Variants in IL1RAPL1 observed in about 807,000 individuals in gnomAD.
IL1RAPL1 encodes the protein interleukin 1 receptor accessory protein like 1, also known as interleukin-1 receptor accessory protein-like 1.
In IL1RAPL1, 3 loss-of-function variants were observed where a neutral mutation model predicts 48.4. The observed-to-expected ratio is 0.06, with a 90% CI of 0.03 to 0.16. The LOEUF (loss-of-function observed/expected upper bound fraction) is 0.16, where lower values mean the gene tolerates loss of function less well. IL1RAPL1 is among the 10% of genes least tolerant of loss of function. The probability of loss-of-function intolerance (pLI) is 1.00; values close to 1 mark genes in which losing one functional copy is unlikely to be tolerated. For synonymous variants in IL1RAPL1, 185 were observed against 187.7 expected (o/e 0.99, Z 0.12); for missense variants, 349 against 530.6 (o/e 0.66, Z 3.36).
rs773580829 is a variant in IL1RAPL1, at chrX:28,954,402, AT to A, written c.82+164985del. ...AAAAAAGAGATTTATTTAATTTCTAATTTTTTTTCTACCTCTCAGCTTTTTT... is the reference window on the plus strand; with the variant it reads ...AAAAAAGAGATTTATTTAATTTCTAATTTTTTTCTACCTCTCAGCTTTTTT... On this transcript the variant is annotated intron_variant, in intron 2 of 10. Transcript: ENST00000378993. 4.3e-3 allele frequency among the ~76,000 whole-genome samples: 477 copies of A among 109,771 alleles called. 1 individual carries two copies. Among genetic ancestry groups the A allele is most frequent in the Admixed American group, 6.3e-3 (64 of 10,188 alleles).
intron 2 of IL1RAPL1, among the ~76,000 whole-genome samples, chrX:29,271,745 T>C (rs1487445375): frequency 8.9e-5 from 10 of 112,035 alleles, no homozygotes; most frequent in Non-Finnish European, 3.8e-5. Flanking sequence ...GTTTAGGTTC[T>C]ATATAGATTC....
chrX:28,728,298 A>G (rs1935707254), intron 1 of IL1RAPL1, among the ~76,000 whole-genome samples: 1 of 111,588 alleles, frequency 9.0e-6, no homozygotes, highest in South Asian at 3.7e-4. Context: ...TTCAACAGTT[A>G]ATTAAACCAT....
chrX:29,083,783 A>G (rs1927893940), intron 2 of IL1RAPL1, among the ~76,000 whole-genome samples: 1 of 112,235 alleles, frequency 8.9e-6, no homozygotes. Flanking sequence ...AGGTACATAG[A>G]GTATAGTAAA....
chrX:28,612,843 T>G (rs1429834193), intron 1 of IL1RAPL1, among the ~76,000 whole-genome samples: 1 of 112,174 alleles, frequency 8.9e-6, no homozygotes, highest in Admixed American at 9.5e-5. Flanking sequence ...TGCAACAGGC[T>G]CTAATGGCTA....
At chrX:28,647,235 CT>C (rs750984594) in intron 1 of IL1RAPL1, among the ~76,000 whole-genome samples, 1 of 111,812 alleles carries the variant, frequency 8.9e-6, no homozygotes, top group Non-Finnish European at 1.9e-5. Context: ...TTCTCATTCC[CT>C]AAACCTCTAC....
intron 3 of IL1RAPL1, among the ~76,000 whole-genome samples, chrX:29,358,451 G>A (rs1352446583): frequency 1.8e-5 from 2 of 108,380 alleles, no homozygotes; most frequent in African/African-American, 6.7e-5. Context: ...ATAAAGAATT[G>A]TAAAGTTATT....
intron 2 of IL1RAPL1, among the ~76,000 whole-genome samples, chrX:28,802,407 G>C (rs982390638): frequency 8.9e-6 from 1 of 112,174 alleles, no homozygotes; most frequent in Non-Finnish European, 1.9e-5. Context: ...GAATAACTTT[G>C]CCAAGTTTTA....
chrX:29,543,811 G>T (rs765400556), intron 5 of IL1RAPL1, among the ~76,000 whole-genome samples: 1 of 110,884 alleles, frequency 9.0e-6, no homozygotes, highest in Non-Finnish European at 1.9e-5. Context: ...GACCTAGTGA[G>T]GTGTCAGCAA....
intron 2 of IL1RAPL1, among the ~76,000 whole-genome samples, chrX:28,940,713 C>T (rs910475895): frequency 9.0e-6 from 1 of 110,793 alleles, no homozygotes; most frequent in African/African-American, 3.3e-5. Flanking sequence ...GCTAAGTCTC[C>T]ACCAATCACA....
At chrX:29,436,046 A>G (rs764645441) in intron 5 of IL1RAPL1, among the ~76,000 whole-genome samples, 6 of 109,854 alleles carry the variant, frequency 5.5e-5, no homozygotes, top group Admixed American at 2.9e-4. Context: ...CTTTCAGGGT[A>G]AGCCAAACAC....
At chrX:28,684,355 T>A (rs771466105) in intron 1 of IL1RAPL1, among the ~76,000 whole-genome samples, 11 of 112,004 alleles carry the variant, frequency 9.8e-5, no homozygotes, top group African/African-American at 3.6e-4. Flanking sequence ...TACAACATTC[T>A]ACTCACTATC....
At chrX:28,636,742 G>A (rs771839024) in intron 1 of IL1RAPL1, among the ~76,000 whole-genome samples, 4 of 111,442 alleles carry the variant, frequency 3.6e-5, no homozygotes, top group African/African-American at 1.3e-4. Flanking sequence ...ATTGTCTGGG[G>A]TCAAAATCCT....
chrX:29,257,336 AT>A (rs1414278615), intron 2 of IL1RAPL1, among the ~76,000 whole-genome samples: 1 of 111,722 alleles, frequency 9.0e-6, no homozygotes, highest in Non-Finnish European at 1.9e-5. Context: ...GCCATTAAAA[AT>A]ATTAGTAAAA....
intron 2 of IL1RAPL1, among the ~76,000 whole-genome samples, chrX:28,863,405 T>A (rs1319415476): frequency 1.0e-5 from 1 of 95,987 alleles, no homozygotes; most frequent in Non-Finnish European, 2.0e-5. Flanking sequence ...TTGGAATGAT[T>A]TGGCCTACGG....
chrX:29,622,825 T>A (rs1924502756), intron 5 of IL1RAPL1, among the ~76,000 whole-genome samples: 1 of 111,756 alleles, frequency 8.9e-6, no homozygotes, highest in East Asian at 2.8e-4. Context: ...ATTAAAAACA[T>A]CAATTTATTG....
At chrX:29,073,496 A>G (rs1025338043) in intron 2 of IL1RAPL1, among the ~76,000 whole-genome samples, 1 of 111,531 alleles carries the variant, frequency 9.0e-6, no homozygotes, top group Admixed American at 9.5e-5. Flanking sequence ...TTCTTTTTCA[A>G]TCATATGCCT....
At chrX:29,751,491 G>C (rs1928461020) in intron 6 of IL1RAPL1, among the ~76,000 whole-genome samples, 1 of 111,659 alleles carries the variant, frequency 9.0e-6, no homozygotes, top group South Asian at 3.7e-4. Context: ...TATAGTATCT[G>C]TTCTTATCCA....
chrX:28,959,606 T>C (rs1924713531), intron 2 of IL1RAPL1, among the ~76,000 whole-genome samples: 1 of 112,056 alleles, frequency 8.9e-6, no homozygotes, highest in South Asian at 3.6e-4. Context: ...ATGTTTCTCT[T>C]ATGTAGAATT....
At chrX:29,827,365 G>A (rs1930760172) in intron 6 of IL1RAPL1, among the ~76,000 whole-genome samples, 1 of 112,592 alleles carries the variant, frequency 8.9e-6, no homozygotes, top group Non-Finnish European at 1.9e-5. Flanking sequence ...AAAGTGCAAG[G>A]CACTGTTATA....
Sources: gnomAD v4.1 joint callset for allele counts (sites outside exome capture counted in the v4.1 genomes callset) on GRCh38, gnomAD v4.1.1 for gene constraint, MANE v1.5 for transcripts, NCBI Gene and HGNC (gene_info 2026-07-23, HGNC 2026-07-21) for gene names.